Variants in ZMYM2 observed in about 807,000 individuals in gnomAD.
The protein encoded by ZMYM2 is zinc finger MYM-type protein 2.
ZMYM2 carries 56 observed loss-of-function variants against 162.8 expected under a neutral mutation model. That is an observed-to-expected ratio of 0.34 (90% CI 0.28 to 0.43). ZMYM2 has a LOEUF of 0.43. Among genes scored for constraint, ZMYM2 ranks in the 20% least tolerant of loss-of-function variants. ZMYM2 has a pLI of 1.00. For synonymous variants in ZMYM2, 510 were observed against 541.6 expected (o/e 0.94, Z 0.81); for missense variants, 1,275 against 1,621.8 (o/e 0.79, Z 3.67).
At chr13:19,930,688 C>T in the ZMYM2 span, among the ~76,000 whole-genome samples, 412 of 151,056 alleles carry the variant, frequency 2.7e-3, 4 homozygotes, top group African/African-American at 9.2e-3. Context: ...TACAGACGAC[C>T]GCCACCAGGC....
the ZMYM2 span, among the ~76,000 whole-genome samples, chr13:19,894,621 G>A: frequency 5.3e-5 from 8 of 151,864 alleles, no homozygotes; most frequent in Non-Finnish European, 2.9e-5. Context: ...TTGGACAGGC[G>A]TGAGCCACCT....
chr13:20,074,134 G>A (rs975250997), intron 21 of ZMYM2, among the ~76,000 whole-genome samples: 38 of 150,732 alleles, frequency 2.5e-4, no homozygotes, highest in Non-Finnish European at 1.0e-4. Context: ...TTTTAGTCTG[G>A]CTTATTTCAT....
intron 21 of ZMYM2, among the ~76,000 whole-genome samples, chr13:20,078,007 C>T (rs564789610): frequency 4.9e-4 from 75 of 151,914 alleles, no homozygotes; most frequent in African/African-American, 1.5e-3. Flanking sequence ...TTAGTAGAGA[C>T]GGGGTTTCAC....
At chr13:20,063,403 T>TAAA (rs774452570) in intron 18 of ZMYM2, among the ~76,000 whole-genome samples, 47 of 121,188 alleles carry the variant, frequency 3.9e-4, no homozygotes, top group African/African-American at 1.1e-3. Flanking sequence ...ACCCTGTCTT[T>TAAA]AAAAAAAAAA....
At chr13:19,898,793 G>A in the ZMYM2 span, among the ~76,000 whole-genome samples, 1 of 151,980 alleles carries the variant, frequency 6.6e-6, no homozygotes, top group African/African-American at 2.4e-5. Context: ...CAGATGCAAT[G>A]GTGTGTAACT....
At position 20,087,184 on chromosome 13, in the gene ZMYM2, A is replaced by G. The variant is rs1479115085; in HGVS notation, c.*1170A>G. ...AAATGATTGAGGAACAAACAAAGAA[A>G]CTAATAGAGAAAGTCAGTCTCAGAG... On this transcript the variant is annotated 3_prime_UTR_variant, in exon 25 of 25. Coordinates refer to ENST00000610343, the MANE Select transcript of ZMYM2 (RefSeq NM_197968.4). The G allele has an allele frequency of 5.3e-6, 1 of 189,280 alleles. No homozygotes were observed. Among genetic ancestry groups the G allele is most frequent in the Non-Finnish European group, 1.1e-5 (1 of 90,098 alleles). The allele number at this position is 189,280 out of a possible 1,614,324, so 11.7% of individuals were successfully genotyped here.
chr13:19,931,380 G>A, the ZMYM2 span, among the ~76,000 whole-genome samples: 2 of 151,626 alleles, frequency 1.3e-5, no homozygotes, highest in Non-Finnish European at 2.9e-5. Context: ...AGTTTATCTC[G>A]CATCTAACAA....
At chr13:19,984,438 GTATT>G (rs1253010274) in intron 2 of ZMYM2, among the ~76,000 whole-genome samples, 1 of 152,222 alleles carries the variant, frequency 6.6e-6, no homozygotes, top group South Asian at 2.1e-4. Flanking sequence ...AGTTAGGTAA[GTATT>G]TAGGAGTGTG....
At chr13:19,908,712 T>C in the ZMYM2 span, among the ~76,000 whole-genome samples, 2 of 152,276 alleles carry the variant, frequency 1.3e-5, no homozygotes, top group South Asian at 2.1e-4. Flanking sequence ...GTGAGAAGAG[T>C]GGCATTAATT....
intron 2 of ZMYM2, among the ~76,000 whole-genome samples, chr13:19,991,079 C>CTGTGTGTGTGTGTGTGTGTGTGTGTG (rs56666919): frequency 1.2e-3 from 70 of 59,934 alleles, no homozygotes; most frequent in African/African-American, 1.9e-3. Context: ...TATGTATTTT[C>CTGTGTGTGTGTGTGTGTGTGTGTGTG]TGTGTGTGTG....
At chr13:20,040,013 G>A (rs977500211) in intron 12 of ZMYM2, among the ~76,000 whole-genome samples, 1 of 152,102 alleles carries the variant, frequency 6.6e-6, no homozygotes, top group Non-Finnish European at 1.5e-5. Flanking sequence ...GGATTTTGGC[G>A]TTGATGTTCA....
chr13:19,909,500 T>C, the ZMYM2 span, among the ~76,000 whole-genome samples: 6 of 150,584 alleles, frequency 4.0e-5, no homozygotes, highest in African/African-American at 1.5e-4. Context: ...TGGAGCAGTC[T>C]TGGCTCACTG....
At position 19,993,581 on chromosome 13, in the gene ZMYM2, G is replaced by T; in HGVS notation, c.509G>T (p.Gly170Val). 6.2e-7 allele frequency: 1 copy of T among 1,614,140 alleles called. No homozygotes were observed. The highest frequency in any genetic ancestry group is 8.5e-7 in the Non-Finnish European group (1 of 1,180,008). Residue 170 changes from glycine (G) to valine (V), a missense_variant, in exon 3 of 25, where the codon GGT becomes GTT. Physicochemically the swap from Gly to Val is moderately radical, Grantham distance 109. This residue lies in a region of ZMYM2 where 295 missense variants were observed against 286.7 expected (regional missense o/e 1.03). Transcript: ENST00000610343. ...AGAAGTAAGGTAAATGCAGGAATGG[G>T]TAATAGTGGTATCACCACAGAACCA... ...FSRSKVNAGM[G>V]NSGITTEPDS...
chr13:19,937,632 T>A, the ZMYM2 span, among the ~76,000 whole-genome samples: 1 of 149,112 alleles, frequency 6.7e-6, no homozygotes, highest in African/African-American at 2.5e-5. Flanking sequence ...TTATTTTTTT[T>A]ATATTTTATT....
At chr13:19,951,507 C>T in the ZMYM2 span, among the ~76,000 whole-genome samples, 835 of 114,192 alleles carry the variant, frequency 7.3e-3, 16 homozygotes, top group African/African-American at 0.026. Context: ...CTGGTCAACA[C>T]GGTGAAACCC....
upstream of ZMYM2, among the ~76,000 whole-genome samples, chr13:19,954,318 C>T (rs981681847): frequency 5.3e-5 from 8 of 150,852 alleles, no homozygotes; most frequent in South Asian, 2.1e-4. Context: ...TTAGTAGAGA[C>T]GGGGTTTCAC....
chr13:19,869,655 G>A, the ZMYM2 span, among the ~76,000 whole-genome samples: 1 of 152,038 alleles, frequency 6.6e-6, no homozygotes, highest in East Asian at 1.9e-4. Context: ...TGGGCTTGGT[G>A]GTACATGTCT....
At chr13:20,014,848 C>G (rs1951488862) in intron 6 of ZMYM2, among the ~76,000 whole-genome samples, 1 of 150,668 alleles carries the variant, frequency 6.6e-6, no homozygotes, top group Admixed American at 6.6e-5. Flanking sequence ...TCACTGCACC[C>G]TCACCTCCCA....
intron 2 of ZMYM2, among the ~76,000 whole-genome samples, chr13:19,978,318 A>G (rs1956971423): frequency 6.6e-6 from 1 of 152,008 alleles, no homozygotes; most frequent in African/African-American, 2.4e-5. Context: ...CAAACACTCT[A>G]CTGCTGTACT....
Sources: gnomAD v4.1 joint callset for allele counts (sites outside exome capture counted in the v4.1 genomes callset) on GRCh38, gnomAD v4.1.1 for gene constraint, gnomAD v4.1.1 regional missense constraint, MANE v1.5 for transcripts, NCBI Gene and HGNC (gene_info 2026-07-23, HGNC 2026-07-21) for gene names.